Variants in EMB observed in about 807,000 individuals in gnomAD.
EMB encodes embigin, also known as embigin homolog.
In EMB, 31 loss-of-function variants were observed where a neutral mutation model predicts 41.4. The observed-to-expected ratio is 0.75, with a 90% CI of 0.56 to 1.01. The LOEUF (loss-of-function observed/expected upper bound fraction) is 1.01. EMB is among the 50% of genes least tolerant of loss of function. The pLI, the probability that EMB is intolerant of heterozygous loss-of-function variation, is 0.00. For synonymous variants in EMB, 137 were observed against 140.4 expected (o/e 0.98, Z 0.17); for missense variants, 379 against 388.3 (o/e 0.98, Z 0.20).
intron 1 of EMB, among the ~76,000 whole-genome samples, chr5:50,435,564 A>G (rs1745790591): frequency 6.6e-6 from 1 of 152,192 alleles, no homozygotes; most frequent in Non-Finnish European, 1.5e-5. Context: ...CATCTTTGGC[A>G]GGAAGATCAT....
At chr5:50,413,269 T>C (rs144532346) in intron 2 of EMB, among the ~76,000 whole-genome samples, 1,556 of 152,270 alleles carry the variant, frequency 0.01, 38 homozygotes, top group African/African-American at 0.036. Context: ...CATACAAATA[T>C]ACCATAATGA....
chr5:50,410,787 T>C (rs978774861), intron 4 of EMB, 90 bp downstream of exon 4: 1 of 825,388 alleles, frequency 1.2e-6, no homozygotes. Context: ...ATGTTTATTA[T>C]TGTAAAAATA....
At position 50,404,706 on chromosome 5, in the gene EMB, TA is replaced by T. The variant is rs112250384; in HGVS notation, c.600+1018del. On this transcript the variant is annotated intron_variant, in intron 5 of 8. Coordinates refer to ENST00000303221, the MANE Select transcript of EMB (RefSeq NM_198449.3). ...TTTGTTTTTACAAAATTACACTTTT[TA>T]AAAAAAAATTACATATACACAATGA... is the stretch of plus-strand genomic sequence containing the variant. Among the ~76,000 whole-genome samples the T allele has an allele frequency of 8.8e-4, 134 of 151,728 alleles. 1 individual carries two copies. The highest frequency in any genetic ancestry group is 2.7e-3 in the African/African-American group (112 of 41,410).
intron 6 of EMB, 102 bp from the exon 7 acceptor site, chr5:50,402,421 T>C (rs372670860): frequency 1.9e-6 from 2 of 1,058,764 alleles, no homozygotes. Flanking sequence ...AGTACTATGC[T>C]GTTTCTCCTG....
chr5:50,440,340 A>G (rs1745878636), intron 1 of EMB, among the ~76,000 whole-genome samples: 1 of 151,936 alleles, frequency 6.6e-6, no homozygotes, highest in African/African-American at 2.4e-5. Context: ...TCGAGACCAG[A>G]CTGACCAATG....
At chr5:50,421,315 C>G (rs187424310) in intron 2 of EMB, among the ~76,000 whole-genome samples, 24 of 152,222 alleles carry the variant, frequency 1.6e-4, no homozygotes, top group African/African-American at 5.5e-4. Flanking sequence ...CACTGGCCAT[C>G]AGAGAAATGC....
chr5:50,399,475 C>T (rs903002746), intron 8 of EMB, among the ~76,000 whole-genome samples, 185 bp from the exon 9 acceptor site: 2 of 151,822 alleles, frequency 1.3e-5, no homozygotes, highest in African/African-American at 2.4e-5. Context: ...AGAAAGTTAG[C>T]TTATATGCAT....
At chr5:50,400,061 T>G (rs1745136345) in intron 7 of EMB, 148 bp from the exon 8 acceptor site, 1 of 573,776 alleles carries the variant, frequency 1.7e-6, no homozygotes, top group Non-Finnish European at 3.0e-6. Flanking sequence ...CTTACAATGT[T>G]GAATTTATTT....
intron 4 of EMB, among the ~76,000 whole-genome samples, chr5:50,410,536 CACAATAACTTAGA>C (rs1345245299): frequency 2.0e-5 from 3 of 152,054 alleles, no homozygotes; most frequent in African/African-American, 7.2e-5. Context: ...AGGCTGGGAC[CACAATAACTTAGA>C]AACGTGGAGG....
chr5:50,401,067 G>C (rs540307245), intron 7 of EMB, among the ~76,000 whole-genome samples: 1 of 152,126 alleles, frequency 6.6e-6, no homozygotes, highest in Non-Finnish European at 1.5e-5. Context: ...AAATAGGAAA[G>C]ATTAAAAGTT....
intron 2 of EMB, among the ~76,000 whole-genome samples, chr5:50,425,990 C>T (rs1439513732): frequency 2.6e-5 from 4 of 152,086 alleles, no homozygotes; most frequent in Non-Finnish European, 5.9e-5. Context: ...AAAGCAATAG[C>T]TTTATTACTA....
chr5:50,431,635 C>T (rs1364136822), intron 1 of EMB, among the ~76,000 whole-genome samples: 1 of 152,244 alleles, frequency 6.6e-6, no homozygotes, highest in African/African-American at 2.4e-5. Context: ...AAATGAGGAT[C>T]AGAAAAGTTG....
At chr5:50,428,422 T>A in intron 1 of EMB, 195 bp from the exon 2 acceptor site, 2 of 1,210,348 alleles carry the variant, frequency 1.7e-6, no homozygotes, top group Non-Finnish European at 1.0e-6. Flanking sequence ...ATTCTGATTT[T>A]TTTTCTTTTT....
intron 2 of EMB, among the ~76,000 whole-genome samples, chr5:50,421,507 A>C (rs1431423894): frequency 6.6e-6 from 1 of 152,110 alleles, no homozygotes; most frequent in Non-Finnish European, 1.5e-5. Flanking sequence ...GGGATCTAGA[A>C]CTAGAAATAC....
At chr5:50,442,575 C>A (rs575504468), upstream of EMB, among the ~76,000 whole-genome samples, 8 of 152,160 alleles carry the variant, frequency 5.3e-5, no homozygotes, top group South Asian at 1.2e-3. Context: ...CTCAGAAAAG[C>A]CTCTTCTCAG....
At chr5:50,411,168 G>A (rs1422331048) in intron 3 of EMB, 29 bp downstream of exon 3, 1 of 1,555,380 alleles carries the variant, frequency 6.4e-7, no homozygotes, top group Admixed American at 1.9e-5. Flanking sequence ...CTTTTGGTGA[G>A]CAAGGTAGGT....
intron 2 of EMB, among the ~76,000 whole-genome samples, chr5:50,421,346 T>C (rs1014119498): frequency 3.9e-5 from 6 of 152,170 alleles, no homozygotes; most frequent in African/African-American, 1.4e-4. Flanking sequence ...CACAATGAGA[T>C]ACCATCTCAT....
chr5:50,418,737 A>C (rs974019589), intron 2 of EMB, among the ~76,000 whole-genome samples: 9 of 152,144 alleles, frequency 5.9e-5, no homozygotes, highest in African/African-American at 2.2e-4. Flanking sequence ...TCTTCCAGTA[A>C]TCCTTGCTGT....
chr5:50,403,139 T>C, intron 6 of EMB, 39 bp downstream of exon 6: 2 of 1,512,292 alleles, frequency 1.3e-6, no homozygotes, highest in Non-Finnish European at 1.8e-6. Flanking sequence ...CTGATAATAC[T>C]TTCTAAAAAA....
Sources: allele counts gnomAD v4.1 joint callset (sites outside exome capture counted in the v4.1 genomes callset), GRCh38; gene constraint gnomAD v4.1.1; transcripts MANE v1.5; gene names NCBI Gene and HGNC (gene_info 2026-07-23, HGNC 2026-07-21).